ARL8B: variants seen among roughly 807,000 people sequenced by gnomAD.
The protein encoded by ARL8B is ADP-ribosylation factor-like protein 8B.
A neutral mutation model predicts 30.6 loss-of-function variants in ARL8B; 9 were observed. The observed-to-expected ratio is 0.29, with a 90% confidence interval of 0.18 to 0.51. The LOEUF (loss-of-function observed/expected upper bound fraction) is 0.51, where lower values mean the gene tolerates loss of function less well. Ranked by LOEUF, ARL8B falls within the 20% of genes least tolerant of loss-of-function variation. ARL8B has a pLI of 0.97. For synonymous variants in ARL8B, 74 were observed against 76.0 expected (o/e 0.97, Z 0.14); for missense variants, 130 against 227.2 (o/e 0.57, Z 2.75).
chr3:5,132,585 C>G (rs912366049), intron 1 of ARL8B, among the ~76,000 whole-genome samples: 5 of 152,132 alleles, frequency 3.3e-5, no homozygotes, highest in African/African-American at 9.7e-5. Context: ...TCTCTTGTTT[C>G]TAATAGTCTG....
At chr3:5,165,854 C>T (rs1405328747) in intron 1 of ARL8B, among the ~76,000 whole-genome samples, 1 of 152,082 alleles carries the variant, frequency 6.6e-6, no homozygotes, top group East Asian at 1.9e-4. Context: ...GAAATCTAAC[C>T]TAATCCATTT....
Position 5,122,530 on chromosome 3 carries a change from A to T in ARL8B, c.65A>T (p.Glu22Val). The change falls in exon 1 of 7, where the codon GAG (glutamate) becomes GTG (valine). Residue 22 changes from glutamate (E) to valine (V), a missense_variant. Glu to Val is a moderately radical substitution (Grantham distance 121). Coordinates refer to ENST00000256496, the MANE Select transcript of ARL8B (RefSeq NM_018184.3). ...TCGCTCTTCTGGAAGGAAGAGATGG[A>T]GCTGACGCTCGTGGGGCTGCAGTAC... ...FRSLFWKEEM[E>V]LTLVGLQYSG... is the part of the protein sequence containing the mutation. 1 of 1,613,074 alleles carries T rather than the reference A, an allele frequency of 6.2e-7. No homozygotes were observed. The highest frequency in any genetic ancestry group is 1.7e-5 in the Admixed American group (1 of 59,936).
Position 5,172,212 on chromosome 3 carries a change from C to G in ARL8B, c.267C>G (p.Val89=), listed in dbSNP as rs1172008016. The G allele has an allele frequency of 1.2e-6, 2 of 1,612,742 alleles. No homozygotes were observed. The highest frequency in any genetic ancestry group is 2.7e-5 in the African/African-American group (2 of 74,968). ...RSMWERYCRG[V]NAIVYMIDAA... Reference sequence around the variant, plus strand: ...TGTGGGAGCGGTATTGCAGAGGAGTCAATGCTATTGTGTAAGTGGTTTTTT... The same window carrying G: ...TGTGGGAGCGGTATTGCAGAGGAGTGAATGCTATTGTGTAAGTGGTTTTTT... Residue 89 remains valine (V), a synonymous_variant, in exon 3 of 7, where the codon GTC becomes GTG. Coordinates refer to ENST00000256496, the MANE Select transcript of ARL8B (RefSeq NM_018184.3).
At chr3:5,152,454 A>G (rs1156664258) in intron 1 of ARL8B, among the ~76,000 whole-genome samples, 1 of 151,998 alleles carries the variant, frequency 6.6e-6, no homozygotes, top group Non-Finnish European at 1.5e-5. Flanking sequence ...TTTTACTTCT[A>G]ACTTACCTCT....
At chr3:5,128,113 A>G (rs1421082084) in intron 1 of ARL8B, among the ~76,000 whole-genome samples, 1 of 149,912 alleles carries the variant, frequency 6.7e-6, no homozygotes, top group African/African-American at 2.5e-5. Context: ...CGTTGAGCCG[A>G]AATTGAGCGA....
intron 1 of ARL8B, among the ~76,000 whole-genome samples, chr3:5,158,708 G>C (rs191415385): frequency 6.6e-6 from 1 of 152,210 alleles, no homozygotes; most frequent in Admixed American, 6.5e-5. Flanking sequence ...AGAGTAATTC[G>C]AGAGCCACTG....
At chr3:5,137,481 A>C in intron 1 of ARL8B, among the ~76,000 whole-genome samples, 2 of 141,522 alleles carry the variant, frequency 1.4e-5, no homozygotes, top group African/African-American at 5.3e-5. Context: ...TCTATCACCC[A>C]GGCTGGAGTT....
chr3:5,122,611 G>A, intron 1 of ARL8B, 23 bp downstream of exon 1: 1 of 1,584,276 alleles, frequency 6.3e-7, no homozygotes. Flanking sequence ...CCACTCACTC[G>A]CCCGGGGCTC....
Position 5,122,455 on chromosome 3 carries a change from C to T in ARL8B, c.-11C>T, listed in dbSNP as rs2054190336. ...CCGTCCTCCCGTCCGTTCTCGCTCC[C>T]GGCCGCCATCATGCTGGCGCTCATC... On this transcript the variant is annotated 5_prime_UTR_variant, in exon 1 of 7. Transcript: ENST00000256496. 1.2e-6 allele frequency: 2 copies of T among 1,612,556 alleles called. No homozygotes were observed. Among genetic ancestry groups the T allele is most frequent in the Non-Finnish European group, 1.7e-6 (2 of 1,179,592 alleles).
At chr3:5,171,303 T>C (rs979246039) in intron 2 of ARL8B, among the ~76,000 whole-genome samples, 6 of 152,194 alleles carry the variant, frequency 3.9e-5, no homozygotes, top group Non-Finnish European at 8.8e-5. Flanking sequence ...GTAGACACAA[T>C]AATAAAATGA....
At chr3:5,140,452 C>G (rs2054363338) in intron 1 of ARL8B, among the ~76,000 whole-genome samples, 1 of 152,132 alleles carries the variant, frequency 6.6e-6, no homozygotes, top group Admixed American at 6.5e-5. Context: ...TGAGGCCTCC[C>G]CAGCCATGTG....
intron 1 of ARL8B, among the ~76,000 whole-genome samples, chr3:5,140,025 C>T (rs1240354938): frequency 3.0e-5 from 4 of 133,536 alleles, no homozygotes; most frequent in Admixed American, 8.1e-5. Context: ...CTTGCTGTGT[C>T]GCCCAGGCTG....
chr3:5,163,656 G>C (rs935082240), intron 1 of ARL8B, among the ~76,000 whole-genome samples: 2 of 152,198 alleles, frequency 1.3e-5, no homozygotes, highest in Non-Finnish European at 1.5e-5. Context: ...GATCACCTGA[G>C]GTCAGGAGTT....
chr3:5,142,283 G>C (rs573394549), intron 1 of ARL8B, among the ~76,000 whole-genome samples: 34 of 152,222 alleles, frequency 2.2e-4, no homozygotes, highest in African/African-American at 6.7e-4. Context: ...GTTTTCCCAC[G>C]GGCTTATTGA....
Position 5,136,127 on chromosome 3 carries a change from G to C in ARL8B, c.123+13539G>C, listed in dbSNP as rs547558708. On this transcript the variant is annotated intron_variant, in intron 1 of 6. Transcript: ENST00000256496. ...TTTTTATTATTATGTATATTTTTGA[G>C]ATGGGGTCTTGTTCTGTTGCAGGCT... Among the ~76,000 whole-genome samples the C allele has an allele frequency of 1.2e-4, 16 of 135,034 alleles. No homozygotes were observed. In the South Asian group the frequency reaches 3.0e-3, roughly 25 times the overall value. The allele number at this position is 135,034 out of a possible 152,430, so 88.6% of individuals were successfully genotyped here.
chr3:5,134,534 T>G (rs1288430272), intron 1 of ARL8B, among the ~76,000 whole-genome samples: 1 of 152,236 alleles, frequency 6.6e-6, no homozygotes, highest in Non-Finnish European at 1.5e-5. Context: ...ATTTGTGTGC[T>G]TTAAATCTAA....
At chr3:5,167,551 C>CT (rs1236616660) in intron 1 of ARL8B, among the ~76,000 whole-genome samples, 1 of 152,192 alleles carries the variant, frequency 6.6e-6, no homozygotes, top group Non-Finnish European at 1.5e-5. Context: ...TTTTTCTACT[C>CT]TTTCCCCCCC....
intron 1 of ARL8B, chr3:5,128,688 A>G (rs953651678): frequency 4.1e-5 from 10 of 241,138 alleles, no homozygotes; most frequent in Admixed American, 1.1e-4. Flanking sequence ...TTTTTGTGTT[A>G]TCAAAACAAT....
intron 1 of ARL8B, among the ~76,000 whole-genome samples, chr3:5,125,080 C>T (rs2054218710): frequency 6.6e-6 from 1 of 152,124 alleles, no homozygotes; most frequent in Non-Finnish European, 1.5e-5. Context: ...GTCAGACAGC[C>T]CTGGATTTGA....
Sources: allele counts gnomAD v4.1 joint callset (sites outside exome capture counted in the v4.1 genomes callset), GRCh38; gene constraint gnomAD v4.1.1; transcripts MANE v1.5; gene names NCBI Gene and HGNC (gene_info 2026-07-23, HGNC 2026-07-21).